Variants in MARVELD3 observed in about 807,000 individuals in gnomAD.
The protein encoded by MARVELD3 is MARVEL domain containing 3, also known as MARVEL domain-containing protein 3.
Under a neutral mutation model 33.5 loss-of-function variants are expected in MARVELD3, and 28 were observed. The ratio of observed to expected loss-of-function variants is 0.84; its 90% CI spans 0.62 to 1.15. MARVELD3 has a LOEUF of 1.15. MARVELD3 is among the 50% of genes most tolerant of loss of function. The pLI is 0.00. For synonymous variants in MARVELD3, 241 were observed against 230.4 expected (o/e 1.05, Z -0.42); for missense variants, 582 against 547.6 (o/e 1.06, Z -0.63).
chr16:71,641,078 G>T, downstream of MARVELD3: 1 of 1,550,252 alleles, frequency 6.5e-7, no homozygotes, highest in Non-Finnish European at 8.7e-7. Context: ...CAAAAAGACA[G>T]GTCTTTTAAA....
chr16:71,641,066 C>T (rs1219151047), downstream of MARVELD3: 1 of 1,560,946 alleles, frequency 6.4e-7, no homozygotes, highest in Non-Finnish European at 8.7e-7. Flanking sequence ...CATTGTTTCT[C>T]TCAAAAAGAC....
Position 71,633,742 on chromosome 16 carries a change from GC to G in MARVELD3, c.596-448del, listed in dbSNP as rs529168666. Reference sequence around the variant, plus strand: ...ATTAGAGATGGGGTATCACTATGTTGCCCAGGTTAGTCTCAAACTCCTGGGC... The same window carrying G: ...ATTAGAGATGGGGTATCACTATGTTGCCAGGTTAGTCTCAAACTCCTGGGC... On this transcript the variant is annotated intron_variant, in intron 2 of 2. Coordinates refer to ENST00000268485, the MANE Select transcript of MARVELD3 (RefSeq NM_052858.6). 3.8e-3 allele frequency among the ~76,000 whole-genome samples: 532 copies of G among 140,662 alleles called. 2 individuals carry two copies. The highest frequency in any genetic ancestry group is 5.0e-3 in the Non-Finnish European group (329 of 65,902). 92.3% of individuals were successfully genotyped at this position (140,662 alleles called of 152,430 possible).
downstream of MARVELD3, chr16:71,641,307 G>A: frequency 2.8e-6 from 1 of 352,328 alleles, no homozygotes; most frequent in Non-Finnish European, 5.2e-6. Flanking sequence ...ACAAAAAATC[G>A]CCGGGCATGG....
downstream of MARVELD3, among the ~76,000 whole-genome samples, chr16:71,636,712 T>G (rs2145284658): frequency 6.6e-6 from 1 of 152,262 alleles, no homozygotes; most frequent in East Asian, 1.9e-4. Context: ...CACCTTAGCC[T>G]CCCGAGTCAC....
intron 2 of MARVELD3, among the ~76,000 whole-genome samples, chr16:71,630,607 A>G (rs2044523966): frequency 6.6e-6 from 1 of 151,386 alleles, no homozygotes; most frequent in African/African-American, 2.4e-5. Context: ...CTGGGCAACA[A>G]GAGCGAAACT....
At chr16:71,629,344 C>A (rs1454769854) in intron 1 of MARVELD3, 23 bp from the exon 2 acceptor site, 2 of 1,524,556 alleles carry the variant, frequency 1.3e-6, no homozygotes, top group Non-Finnish European at 8.7e-7. Context: ...CCCCTAATGA[C>A]CATGTATGCT....
At chr16:71,628,346 C>G (rs1194264088) in intron 1 of MARVELD3, among the ~76,000 whole-genome samples, 1 of 152,104 alleles carries the variant, frequency 6.6e-6, no homozygotes, top group Non-Finnish European at 1.5e-5. Flanking sequence ...ACCAGCCTGG[C>G]CAACACTGCG....
intron 2 of MARVELD3, 121 bp from the exon 3 acceptor site, chr16:71,634,072 T>A (rs1311063305): frequency 2.7e-6 from 4 of 1,474,478 alleles, no homozygotes; most frequent in Non-Finnish European, 3.6e-6. Context: ...TGGCCTCGGG[T>A]CTTCCACAGG....
At chr16:71,634,102 C>G in intron 2 of MARVELD3, 91 bp from the exon 3 acceptor site, 1 of 1,530,022 alleles carries the variant, frequency 6.5e-7, no homozygotes. Flanking sequence ...CTTCAGGGGT[C>G]TGAGCCCTGC....
At chr16:71,628,892 G>A (rs1217892076) in intron 1 of MARVELD3, among the ~76,000 whole-genome samples, 2 of 152,216 alleles carry the variant, frequency 1.3e-5, no homozygotes, top group East Asian at 3.8e-4. Context: ...GGCTGCCAGA[G>A]GAGGAAATGA....
chr16:71,633,131 G>A (rs2044548607), intron 2 of MARVELD3, among the ~76,000 whole-genome samples: 1 of 151,948 alleles, frequency 6.6e-6, no homozygotes, highest in Non-Finnish European at 1.5e-5. Flanking sequence ...GGGAGGCCAA[G>A]GCAGGAGGAT....
rs896186722 is a variant in MARVELD3, at chr16:71,626,768, G to A, written c.467+72G>A. 8.0e-7 allele frequency: 1 copy of A among 1,257,832 alleles called. No homozygotes were observed. The highest frequency in any genetic ancestry group is 1.8e-5 in the South Asian group (1 of 54,958). The allele number at this position is 1,257,832 out of a possible 1,614,324, so 77.9% of individuals were successfully genotyped here. ...GGCCCAGGCCGGCCCGCGAGGCCCTGGCGTCCCCGGGTTCTCGTCCTAGGA... is the reference window on the plus strand; with the variant it reads ...GGCCCAGGCCGGCCCGCGAGGCCCTAGCGTCCCCGGGTTCTCGTCCTAGGA... On this transcript the variant is annotated intron_variant, in intron 1 of 2. Transcript: ENST00000268485. This position sits in a 1 kb window ranked among gnomAD's most constrained non-coding sequence, Gnocchi z 5.3.
chr16:71,640,882 T>G, downstream of MARVELD3: 1 of 1,614,188 alleles, frequency 6.2e-7, no homozygotes, highest in Non-Finnish European at 8.5e-7. Flanking sequence ...GCAGCCACCT[T>G]TGCTTGTCTT....
intron 1 of MARVELD3, among the ~76,000 whole-genome samples, chr16:71,628,081 G>A (rs767869009): frequency 1.3e-5 from 2 of 152,184 alleles, no homozygotes; most frequent in African/African-American, 2.4e-5. Context: ...CTGAGTTTAT[G>A]TTACATTATC....
At chr16:71,641,284 C>G, downstream of MARVELD3, 1 of 431,846 alleles carries the variant, frequency 2.3e-6, no homozygotes, top group Non-Finnish European at 4.1e-6. Context: ...GAAACCCTGT[C>G]TCTACTAAAA....
chr16:71,629,290 G>A (rs541624391), intron 1 of MARVELD3, 77 bp from the exon 2 acceptor site: 18 of 1,428,776 alleles, frequency 1.3e-5, no homozygotes, highest in Middle Eastern at 2.5e-4. Context: ...GGCCCAGCAC[G>A]AGGAGTCAAG....
intron 2 of MARVELD3, 79 bp from the exon 3 acceptor site, chr16:71,634,114 C>CGGAA: frequency 6.5e-7 from 1 of 1,540,008 alleles, no homozygotes. Flanking sequence ...GAGCCCTGCG[C>CGGAA]GGAAGGTGGG....
chr16:71,633,553 C>G (rs1319811777), intron 2 of MARVELD3, among the ~76,000 whole-genome samples: 1 of 152,078 alleles, frequency 6.6e-6, no homozygotes, highest in Non-Finnish European at 1.5e-5. Context: ...ACCACCATGC[C>G]TGGCTAATTT....
downstream of MARVELD3, among the ~76,000 whole-genome samples, chr16:71,639,648 T>C (rs1388592221): frequency 6.8e-6 from 1 of 147,286 alleles, no homozygotes; most frequent in Non-Finnish European, 1.5e-5. Context: ...GGTTTCACCA[T>C]GTTGGTCAGG....
Sources: allele counts gnomAD v4.1 joint callset (sites outside exome capture counted in the v4.1 genomes callset), GRCh38; gene constraint gnomAD v4.1.1; non-coding constraint Gnocchi (gnomAD v3.1); transcripts MANE v1.5; gene names NCBI Gene and HGNC (gene_info 2026-07-23, HGNC 2026-07-21).